Variants in UBAP2 observed in about 807,000 individuals in gnomAD.
The protein encoded by UBAP2 is ubiquitin associated protein 2.
A neutral mutation model predicts 139.6 loss-of-function variants in UBAP2; 75 were observed. The ratio of observed to expected loss-of-function variants is 0.54; its 90% CI spans 0.45 to 0.65. The LOEUF (loss-of-function observed/expected upper bound fraction) is 0.65, where lower values mean the gene tolerates loss of function less well. UBAP2 is among the 30% of genes least tolerant of loss of function. The pLI, the probability that UBAP2 is intolerant of heterozygous loss-of-function variation, is 0.00. For missense variants in UBAP2, 1,368 were observed against 1,369.6 expected (o/e 1.00, Z 0.02); for synonymous variants, 526 against 526.2 (o/e 1.00, Z 0.01).
chr9:33,922,910 A>G (rs1395306753), intron 27 of UBAP2, 32 bp from the exon 28 acceptor site: 17 of 1,613,096 alleles, frequency 1.1e-5, no homozygotes, highest in Non-Finnish European at 1.4e-5. Context: ...GGTGAAGGTC[A>G]GGTTGGGCTG....
intron 14 of UBAP2, among the ~76,000 whole-genome samples, chr9:33,944,145 A>G (rs1825465575): frequency 6.6e-6 from 1 of 152,176 alleles, no homozygotes; most frequent in South Asian, 2.1e-4. Flanking sequence ...CCAGATCTTC[A>G]AATCTGTACT....
intron 6 of UBAP2, among the ~76,000 whole-genome samples, chr9:33,974,083 T>G (rs1311583234): frequency 6.6e-6 from 1 of 152,070 alleles, no homozygotes; most frequent in Non-Finnish European, 1.5e-5. Context: ...CTTAGCTACC[T>G]GACAGGCTGA....
At chr9:33,942,727 C>CAAAAAAA (rs544848249) in intron 15 of UBAP2, among the ~76,000 whole-genome samples, 1 of 135,008 alleles carries the variant, frequency 7.4e-6, no homozygotes, top group Non-Finnish European at 1.6e-5. Context: ...GACCCTATCT[C>CAAAAAAA]AAAAAAAAAA....
intron 12 of UBAP2, among the ~76,000 whole-genome samples, chr9:33,950,291 T>G (rs1825994351): frequency 6.6e-6 from 1 of 152,084 alleles, no homozygotes; most frequent in Non-Finnish European, 1.5e-5. Context: ...CAGGATGGTT[T>G]CCATCTCCTG....
chr9:33,975,258 C>T (rs1190481809), intron 6 of UBAP2, among the ~76,000 whole-genome samples: 2 of 150,654 alleles, frequency 1.3e-5, no homozygotes, highest in Non-Finnish European at 3.0e-5. Context: ...GGTGAAACCC[C>T]GTCTTTATTA....
intron 6 of UBAP2, among the ~76,000 whole-genome samples, chr9:33,974,951 G>T (rs867892312): frequency 6.8e-6 from 1 of 146,084 alleles, no homozygotes; most frequent in Admixed American, 7.0e-5. Context: ...GGGGGGGTGC[G>T]GGGGGGCGGG....
chr9:34,030,962 G>C (rs1220478334), intron 1 of UBAP2, among the ~76,000 whole-genome samples: 1 of 151,380 alleles, frequency 6.6e-6, no homozygotes, highest in African/African-American at 2.4e-5. Flanking sequence ...AATAAAATAA[G>C]GGCTAGGCAC....
intron 12 of UBAP2, among the ~76,000 whole-genome samples, chr9:33,952,216 T>C (rs546805295): frequency 3.7e-4 from 56 of 152,348 alleles, no homozygotes; most frequent in African/African-American, 1.2e-3. Context: ...TCTGCATCCA[T>C]AGACCTTTCT....
At chr9:33,993,896 C>CTT (rs34361153) in intron 4 of UBAP2, among the ~76,000 whole-genome samples, 3,161 of 137,232 alleles carry the variant, frequency 0.023, 109 homozygotes, top group African/African-American at 0.058. Context: ...GCTTTGCTTT[C>CTT]TTTTTTTTTT....
intron 2 of UBAP2, among the ~76,000 whole-genome samples, chr9:33,999,239 G>A (rs1225992569): frequency 6.6e-6 from 1 of 151,844 alleles, no homozygotes; most frequent in African/African-American, 2.4e-5. Context: ...GGAAGCCAAG[G>A]TAGAAGCACT....
intron 1 of UBAP2, among the ~76,000 whole-genome samples, chr9:34,028,038 G>A (rs1825561524): frequency 6.6e-6 from 1 of 151,612 alleles, no homozygotes; most frequent in Non-Finnish European, 1.5e-5. Flanking sequence ...CATGCCAGGA[G>A]CTGAACAAGC....
chr9:33,968,437 G>A (rs1827640295), intron 8 of UBAP2: 88 of 560,476 alleles, frequency 1.6e-4, no homozygotes, highest in South Asian at 1.2e-3. Context: ...TCATGGCCGA[G>A]GGCATGTGCA....
intron 6 of UBAP2, among the ~76,000 whole-genome samples, chr9:33,978,640 T>C (rs1016194740): frequency 4.0e-5 from 6 of 151,724 alleles, no homozygotes; most frequent in Non-Finnish European, 8.8e-5. Flanking sequence ...ATTAGCCCGA[T>C]GTGCTGGCGG....
intron 4 of UBAP2, among the ~76,000 whole-genome samples, chr9:33,991,772 CTTAGG>C (rs1302382269): frequency 1.3e-5 from 2 of 152,254 alleles, no homozygotes; most frequent in East Asian, 1.9e-4. Context: ...ATCCAGTCCT[CTTAGG>C]TTAGAATACA....
chr9:33,994,056 G>A (rs1821945914), intron 4 of UBAP2, among the ~76,000 whole-genome samples: 1 of 151,930 alleles, frequency 6.6e-6, no homozygotes, highest in South Asian at 2.1e-4. Context: ...CACCACACCT[G>A]GCTAATTTTT....
chr9:34,044,160 G>A (rs1168123843), intron 1 of UBAP2, among the ~76,000 whole-genome samples: 2 of 151,636 alleles, frequency 1.3e-5, no homozygotes, highest in Admixed American at 1.3e-4. Flanking sequence ...CACTTTGGGA[G>A]GCCGAGGCGG....
chr9:34,038,303 C>T (rs1009902966), intron 1 of UBAP2, among the ~76,000 whole-genome samples: 26 of 152,080 alleles, frequency 1.7e-4, no homozygotes, highest in Non-Finnish European at 3.2e-4. Flanking sequence ...ACAAGCCTCC[C>T]CTCTCCCCAC....
At chr9:33,961,469 G>C (rs1048234220) in intron 9 of UBAP2, among the ~76,000 whole-genome samples, 1 of 152,066 alleles carries the variant, frequency 6.6e-6, no homozygotes, top group African/African-American at 2.4e-5. Context: ...CACAGGATGC[G>C]CTCAAACAGT....
Position 33,922,732 on chromosome 9 carries a change from C to A in UBAP2, c.3219G>T (p.Gln1073His). ...GGTGGTGCAGCAGCTGTGAGTGGGG[C>A]TGCTGGTGGGCTGGCAAGATGTGTA... Reference protein sequence around the residue: ...PFLHILPAHQQPHSQLLHHHL... With the variant: ...PFLHILPAHQHPHSQLLHHHL... The change falls in exon 28 of 29, where the codon CAG becomes CAT. Residue 1073 changes from glutamine to histidine, a missense_variant. Coordinates refer to ENST00000379238, the MANE Select transcript of UBAP2 (RefSeq NM_001370062.2). The A allele has an allele frequency of 1.3e-6, 2 of 1,552,458 alleles. No homozygotes were observed. Among genetic ancestry groups the A allele is most frequent in the Non-Finnish European group, 1.7e-6 (2 of 1,150,128 alleles).
Sources: gnomAD v4.1 joint callset for allele counts (sites outside exome capture counted in the v4.1 genomes callset) on GRCh38, gnomAD v4.1.1 for gene constraint, MANE v1.5 for transcripts, NCBI Gene and HGNC (gene_info 2026-07-23, HGNC 2026-07-21) for gene names.